CAMKMT: variants seen among roughly 807,000 people sequenced by gnomAD.
The protein encoded by CAMKMT is calmodulin-lysine N-methyltransferase, also known as CaM KMT.
Under a neutral mutation model 48.0 loss-of-function variants are expected in CAMKMT, and 53 were observed. The observed-to-expected ratio is 1.10, with a 90% CI of 0.89 to 1.39. CAMKMT has a LOEUF of 1.39. CAMKMT is among the 40% of genes most tolerant of loss of function. The probability of loss-of-function intolerance (pLI) is 0.00; values close to 1 mark genes in which losing one functional copy is unlikely to be tolerated. For synonymous variants in CAMKMT, 165 were observed against 152.3 expected, an observed-to-expected ratio of 1.08 and a Z score of -0.61; for missense variants, 428 against 402.7, an observed-to-expected ratio of 1.06 and a Z score of -0.54.
intron 7 of CAMKMT, among the ~76,000 whole-genome samples, chr2:44,717,816 G>C (rs1284404132): frequency 1.4e-5 from 2 of 144,888 alleles, no homozygotes; most frequent in African/African-American, 5.1e-5. Flanking sequence ...CGTGGTATGA[G>C]AACTATAAGC....
intron 3 of CAMKMT, among the ~76,000 whole-genome samples, chr2:44,485,620 C>G (rs999208733): frequency 2.0e-5 from 3 of 152,152 alleles, no homozygotes; most frequent in African/African-American, 7.2e-5. Context: ...CTACAAACCT[C>G]TCCAGCATGT....
intron 3 of CAMKMT, among the ~76,000 whole-genome samples, chr2:44,578,886 A>C (rs1669387125): frequency 6.6e-6 from 1 of 152,218 alleles, no homozygotes; most frequent in Non-Finnish European, 1.5e-5. Flanking sequence ...TGGTACAGGC[A>C]TCTTAACTCC....
At chr2:44,671,746 A>C (rs1274588243) in intron 3 of CAMKMT, among the ~76,000 whole-genome samples, 3 of 151,908 alleles carry the variant, frequency 2.0e-5, no homozygotes, top group Non-Finnish European at 4.4e-5. Context: ...AAGCCCTTTT[A>C]ATCTTCTCCA....
At chr2:44,621,997 G>A (rs1194255720) in intron 3 of CAMKMT, among the ~76,000 whole-genome samples, 1 of 152,164 alleles carries the variant, frequency 6.6e-6, no homozygotes, top group Admixed American at 6.5e-5. Context: ...TTAGATGTGA[G>A]GGATGTTGAA....
At chr2:44,478,355 C>G (rs1177188218) in intron 3 of CAMKMT, among the ~76,000 whole-genome samples, 1 of 152,040 alleles carries the variant, frequency 6.6e-6, no homozygotes, top group Non-Finnish European at 1.5e-5. Context: ...AGAGTTTAGC[C>G]TTTGCAATAT....
At chr2:44,507,916 A>G (rs988257508) in intron 3 of CAMKMT, among the ~76,000 whole-genome samples, 9 of 152,210 alleles carry the variant, frequency 5.9e-5, no homozygotes, top group African/African-American at 1.4e-4. Flanking sequence ...GGCAACAGAC[A>G]CTTCATTGTC....
chr2:44,563,729 T>G (rs1210838090), intron 3 of CAMKMT, among the ~76,000 whole-genome samples: 1 of 152,072 alleles, frequency 6.6e-6, no homozygotes, highest in Non-Finnish European at 1.5e-5. Flanking sequence ...CGGTGTTTGG[T>G]TTTCTGTCTT....
chr2:44,731,501 T>C (rs1679077871), intron 7 of CAMKMT, among the ~76,000 whole-genome samples: 1 of 152,172 alleles, frequency 6.6e-6, no homozygotes, highest in African/African-American at 2.4e-5. Flanking sequence ...AAATACAAAT[T>C]AGGGTGAACC....
At chr2:44,525,798 A>T (rs1237646944) in intron 3 of CAMKMT, among the ~76,000 whole-genome samples, 2 of 152,160 alleles carry the variant, frequency 1.3e-5, no homozygotes, top group Admixed American at 1.3e-4. Context: ...ATCTGGATCT[A>T]TCAGACCCAA....
At chr2:44,364,337 T>C (rs1233033825) in intron 1 of CAMKMT, among the ~76,000 whole-genome samples, 1 of 152,170 alleles carries the variant, frequency 6.6e-6, no homozygotes, top group African/African-American at 2.4e-5. Context: ...TGAATGATTG[T>C]TCATTCTTCA....
At chr2:44,527,332 T>G (rs1481633982) in intron 3 of CAMKMT, among the ~76,000 whole-genome samples, 3 of 143,910 alleles carry the variant, frequency 2.1e-5, no homozygotes, top group Non-Finnish European at 4.5e-5. Context: ...TATATACATA[T>G]ATAATACATA....
chr2:44,603,181 T>C (rs1011274737), intron 3 of CAMKMT, among the ~76,000 whole-genome samples: 1 of 152,186 alleles, frequency 6.6e-6, no homozygotes, highest in Admixed American at 6.5e-5. Flanking sequence ...CTCTGCCTCC[T>C]GGCTTCAAGC....
chr2:44,615,674 A>T (rs1290866025), intron 3 of CAMKMT, among the ~76,000 whole-genome samples: 1 of 152,162 alleles, frequency 6.6e-6, no homozygotes, highest in Non-Finnish European at 1.5e-5. Flanking sequence ...TACCATACAG[A>T]TTAATTTCTT....
intron 3 of CAMKMT, among the ~76,000 whole-genome samples, chr2:44,519,246 T>G (rs1342902746): frequency 6.6e-6 from 1 of 152,230 alleles, no homozygotes; most frequent in Non-Finnish European, 1.5e-5. Context: ...CTTCTACTGG[T>G]GGACATTGAA....
chr2:44,563,743 C>T (rs1022624615), intron 3 of CAMKMT, among the ~76,000 whole-genome samples: 17 of 151,962 alleles, frequency 1.1e-4, no homozygotes, highest in Admixed American at 1.3e-4. Flanking sequence ...CTGTCTTTGG[C>T]GATAGTTTGC....
chr2:44,611,216 G>A lies in CAMKMT; in HGVS notation c.377-93067G>A, dbSNP rs956131179. On this transcript the variant is annotated intron_variant, in intron 3 of 10. Transcript: ENST00000378494. ...GGAGGCTGAGGTGGGTGGATCACCCGAGGTCAGGAGTTGGAGACCAACCTG... is the reference window on the plus strand; with the variant it reads ...GGAGGCTGAGGTGGGTGGATCACCCAAGGTCAGGAGTTGGAGACCAACCTG... Among the ~76,000 whole-genome samples, 8 of 152,254 alleles carry A rather than the reference G, an allele frequency of 5.3e-5. No homozygotes were observed. The East Asian group carries it at 5.8e-4, about 11-fold the overall frequency.
chr2:44,367,396 G>A (rs1390547302), intron 1 of CAMKMT, among the ~76,000 whole-genome samples: 1 of 152,120 alleles, frequency 6.6e-6, no homozygotes, highest in Non-Finnish European at 1.5e-5. Context: ...TTAAAATACA[G>A]TCAAAACTTT....
chr2:44,607,952 C>T (rs984027752), intron 3 of CAMKMT, among the ~76,000 whole-genome samples: 1 of 152,038 alleles, frequency 6.6e-6, no homozygotes, highest in Admixed American at 6.6e-5. Context: ...ACTTATATCT[C>T]CATTCACCAC....
intron 3 of CAMKMT, among the ~76,000 whole-genome samples, chr2:44,582,422 C>G (rs1451803122): frequency 3.3e-5 from 5 of 152,204 alleles, no homozygotes; most frequent in Non-Finnish European, 5.9e-5. Flanking sequence ...ACATAATTCT[C>G]CATTTCTAAA....
Sources: allele counts gnomAD v4.1 joint callset (sites outside exome capture counted in the v4.1 genomes callset), GRCh38; gene constraint gnomAD v4.1.1; transcripts MANE v1.5; gene names NCBI Gene and HGNC (gene_info 2026-07-23, HGNC 2026-07-21).